Variants in SUGCT observed in about 807,000 individuals in gnomAD.
The protein encoded by SUGCT is succinyl-CoA:glutarate-CoA transferase.
In SUGCT, 41 loss-of-function variants were observed where a neutral mutation model predicts 55.0. The ratio of observed to expected loss-of-function variants is 0.74; its 90% CI spans 0.58 to 0.97. The LOEUF is 0.97. Among genes scored for constraint, SUGCT ranks in the 50% least tolerant of loss-of-function variants. The probability of loss-of-function intolerance (pLI) is 0.00; values close to 1 mark genes in which losing one functional copy is unlikely to be tolerated. For synonymous variants in SUGCT, 187 were observed against 200.4 expected, an observed-to-expected ratio of 0.93 and a Z score of 0.56; for missense variants, 568 against 547.8, an observed-to-expected ratio of 1.04 and a Z score of -0.37.
chr7:40,583,358 C>A (rs1261366025), intron 12 of SUGCT, among the ~76,000 whole-genome samples: 1 of 151,832 alleles, frequency 6.6e-6, no homozygotes, highest in Non-Finnish European at 1.5e-5. Flanking sequence ...AGAAACTCTT[C>A]TTTCCTGTAT....
chr7:41,001,035 T>C, the SUGCT span, among the ~76,000 whole-genome samples: 3 of 152,310 alleles, frequency 2.0e-5, no homozygotes, highest in Admixed American at 1.3e-4. Context: ...TATATCCATG[T>C]GGAGATGACA....
At chr7:40,221,281 G>A (rs1366558546) in intron 6 of SUGCT, among the ~76,000 whole-genome samples, 1 of 151,324 alleles carries the variant, frequency 6.6e-6, no homozygotes, top group Non-Finnish European at 1.5e-5. Flanking sequence ...GGGCATGGTG[G>A]TGCATTCCTG....
intron 12 of SUGCT, among the ~76,000 whole-genome samples, chr7:40,748,005 C>T (rs1787818650): frequency 2.0e-5 from 3 of 152,008 alleles, no homozygotes; most frequent in Non-Finnish European, 4.4e-5. Context: ...TTTCAGTACT[C>T]AAGTGATTCA....
At chr7:40,475,276 G>A (rs1050685955) in intron 11 of SUGCT, among the ~76,000 whole-genome samples, 2 of 152,102 alleles carry the variant, frequency 1.3e-5, no homozygotes, top group African/African-American at 4.8e-5. Context: ...CCTTGTTTGG[G>A]TTCAGCAATA....
At chr7:40,983,076 T>G in the SUGCT span, among the ~76,000 whole-genome samples, 1 of 152,238 alleles carries the variant, frequency 6.6e-6, no homozygotes. Context: ...GCTGATTCAT[T>G]ATTTTCATCC....
chr7:40,644,169 C>T (rs1800391260), intron 12 of SUGCT, among the ~76,000 whole-genome samples: 1 of 152,152 alleles, frequency 6.6e-6, no homozygotes. Context: ...GGAAAGATGG[C>T]GGAGGTTTCC....
chr7:40,584,032 G>A (rs1051649716), intron 12 of SUGCT, among the ~76,000 whole-genome samples: 18 of 152,160 alleles, frequency 1.2e-4, no homozygotes, highest in Non-Finnish European at 2.5e-4. Flanking sequence ...TTCCAAGTCA[G>A]TTCAGGGTTA....
At chr7:40,219,978 A>C (rs1164674738) in intron 6 of SUGCT, among the ~76,000 whole-genome samples, 1 of 152,174 alleles carries the variant, frequency 6.6e-6, no homozygotes, top group Non-Finnish European at 1.5e-5. Flanking sequence ...GAGTATGTGA[A>C]GAAATAAAGC....
intron 12 of SUGCT, among the ~76,000 whole-genome samples, chr7:40,643,890 C>T (rs1177035530): frequency 6.6e-6 from 1 of 152,144 alleles, no homozygotes; most frequent in Non-Finnish European, 1.5e-5. Flanking sequence ...ATGGCTCAGC[C>T]CCCTGGGGCT....
rs762556395 is a variant in SUGCT, at chr7:40,820,915, CTT to C, written c.1154-39400_1154-39399del. ...GGCTCTGGGTTTGTCATAAATAGCT[CTT>C]ATTATTTTGAGATACGTCCCATCAA... On this transcript the variant is annotated intron_variant, in intron 13 of 13. Coordinates refer to ENST00000335693, the MANE Select transcript of SUGCT (RefSeq NM_001193313.2). Among the ~76,000 whole-genome samples the C allele has an allele frequency of 3.3e-5, 5 of 152,094 alleles. No individual in the cohort carries two copies. In the East Asian group the frequency reaches 7.7e-4, roughly 23 times the overall value.
chr7:40,756,031 G>C (rs913342599), intron 13 of SUGCT, among the ~76,000 whole-genome samples: 3 of 152,138 alleles, frequency 2.0e-5, no homozygotes, highest in Non-Finnish European at 4.4e-5. Context: ...CAAATTATTA[G>C]AATATTGATG....
At chr7:40,435,847 A>T (rs1189583253) in intron 9 of SUGCT, among the ~76,000 whole-genome samples, 1 of 151,840 alleles carries the variant, frequency 6.6e-6, no homozygotes, top group Non-Finnish European at 1.5e-5. Flanking sequence ...CTCTTGGGCC[A>T]TTTAACTACT....
chr7:40,143,516 C>T (rs1788091641), intron 1 of SUGCT, among the ~76,000 whole-genome samples: 1 of 152,216 alleles, frequency 6.6e-6, no homozygotes, highest in South Asian at 2.1e-4. Flanking sequence ...GGATGACCAC[C>T]CTAGTGGAAA....
At chr7:40,705,762 A>G (rs1455758763) in intron 12 of SUGCT, among the ~76,000 whole-genome samples, 2 of 152,166 alleles carry the variant, frequency 1.3e-5, no homozygotes, top group Non-Finnish European at 2.9e-5. Flanking sequence ...TTTTTCCTTG[A>G]CATTTATCCC....
At chr7:40,306,727 T>A (rs750155334) in intron 8 of SUGCT, among the ~76,000 whole-genome samples, 1 of 152,234 alleles carries the variant, frequency 6.6e-6, no homozygotes, top group Non-Finnish European at 1.5e-5. Flanking sequence ...CACTCTGTCA[T>A]TAAATGTTGT....
chr7:40,185,557 T>TG (rs1785455339), intron 3 of SUGCT, among the ~76,000 whole-genome samples: 1 of 152,174 alleles, frequency 6.6e-6, no homozygotes, highest in African/African-American at 2.4e-5. Context: ...CTTTTCGCTC[T>TG]TCTTGCCCAG....
At chr7:40,792,212 C>T (rs1272841968) in intron 13 of SUGCT, among the ~76,000 whole-genome samples, 8 of 152,060 alleles carry the variant, frequency 5.3e-5, no homozygotes, top group Non-Finnish European at 1.0e-4. Flanking sequence ...TATGAACATG[C>T]GCCTGTGTCG....
the SUGCT span, among the ~76,000 whole-genome samples, chr7:40,962,737 G>A: frequency 6.6e-6 from 1 of 152,076 alleles, no homozygotes; most frequent in Non-Finnish European, 1.5e-5. Flanking sequence ...TGGGTGAGTT[G>A]GCTCTTCCTG....
intron 9 of SUGCT, among the ~76,000 whole-genome samples, chr7:40,412,005 T>G (rs1276741791): frequency 6.6e-6 from 1 of 152,208 alleles, no homozygotes; most frequent in African/African-American, 2.4e-5. Flanking sequence ...CTGCCTCCTT[T>G]AGGCCCACGC....
Sources: gnomAD v4.1 joint callset for allele counts (sites outside exome capture counted in the v4.1 genomes callset) on GRCh38, gnomAD v4.1.1 for gene constraint, MANE v1.5 for transcripts, NCBI Gene and HGNC (gene_info 2026-07-23, HGNC 2026-07-21) for gene names.